The following HS2ST1 variants were observed in gnomAD, a reference collection of about 807,000 sequenced individuals.
The protein encoded by HS2ST1 is 2-O-sulfotransferase.
A neutral mutation model predicts 42.9 loss-of-function variants in HS2ST1; 18 were observed. The observed-to-expected ratio is 0.42, with a 90% CI of 0.29 to 0.62. HS2ST1 has a LOEUF of 0.62. Ranked by LOEUF, HS2ST1 falls within the 20% of genes least tolerant of loss-of-function variation. The probability of loss-of-function intolerance (pLI) is 0.21; values close to 1 mark genes in which losing one functional copy is unlikely to be tolerated. For synonymous variants in HS2ST1, 146 were observed against 152.9 expected, an observed-to-expected ratio of 0.95 and a Z score of 0.33; for missense variants, 334 against 433.8, an observed-to-expected ratio of 0.77 and a Z score of 2.04.
intron 1 of HS2ST1, among the ~76,000 whole-genome samples, chr1:87,037,615 A>C (rs1425950998): frequency 6.6e-6 from 1 of 150,800 alleles, no homozygotes; most frequent in Non-Finnish European, 1.5e-5. Context: ...TTTTTTTACC[A>C]CCATCTCCAA....
At chr1:87,065,810 T>C (rs1651234155) in intron 1 of HS2ST1, among the ~76,000 whole-genome samples, 1 of 152,236 alleles carries the variant, frequency 6.6e-6, no homozygotes, top group Non-Finnish European at 1.5e-5. Context: ...GTTTTCTTAC[T>C]ATAGTTAAAG....
At chr1:86,980,898 G>A (rs931611492) in intron 1 of HS2ST1, among the ~76,000 whole-genome samples, 4 of 152,186 alleles carry the variant, frequency 2.6e-5, no homozygotes, top group African/African-American at 9.7e-5. Context: ...GCTAAAAAGT[G>A]TGTAATATAT....
chr1:87,056,129 G>C (rs1043847583), intron 1 of HS2ST1, among the ~76,000 whole-genome samples: 3 of 152,204 alleles, frequency 2.0e-5, no homozygotes, highest in African/African-American at 7.2e-5. Flanking sequence ...TCTCATGAAA[G>C]AATCAGTACA....
At chr1:86,946,215 G>C (rs928299219) in intron 1 of HS2ST1, among the ~76,000 whole-genome samples, 1 of 152,120 alleles carries the variant, frequency 6.6e-6, no homozygotes, top group Non-Finnish European at 1.5e-5. Context: ...TAGTTTGGTA[G>C]GACAATAATG....
chr1:86,991,507 G>A (rs1648952019), intron 1 of HS2ST1, among the ~76,000 whole-genome samples: 1 of 152,186 alleles, frequency 6.6e-6, no homozygotes, highest in Non-Finnish European at 1.5e-5. Flanking sequence ...TACAATAGTA[G>A]GTTATAATGT....
chr1:87,058,077 A>G (rs1651022990), intron 1 of HS2ST1, among the ~76,000 whole-genome samples: 1 of 151,572 alleles, frequency 6.6e-6, no homozygotes, highest in African/African-American at 2.4e-5. Context: ...ACACATCTGT[A>G]CTGTAGAGGA....
At chr1:86,961,703 T>C (rs988586938) in intron 1 of HS2ST1, among the ~76,000 whole-genome samples, 5 of 152,148 alleles carry the variant, frequency 3.3e-5, no homozygotes, top group Admixed American at 1.3e-4. Context: ...CAGCTCTTTC[T>C]AGTTTCAAAA....
At chr1:86,966,293 C>G (rs1287058011) in intron 1 of HS2ST1, among the ~76,000 whole-genome samples, 10 of 152,076 alleles carry the variant, frequency 6.6e-5, no homozygotes, top group Admixed American at 6.5e-4. Context: ...CCTGTAAATA[C>G]TACAATATGC....
At chr1:86,989,463 TTGCTTTTTATA>T (rs1372105475) in intron 1 of HS2ST1, among the ~76,000 whole-genome samples, 1 of 152,236 alleles carries the variant, frequency 6.6e-6, no homozygotes, top group East Asian at 1.9e-4. Context: ...AGCTTTTTAT[TTGCTTTTTATA>T]AAGAGGCTTT....
At chr1:87,004,330 G>A (rs1649373604) in intron 1 of HS2ST1, among the ~76,000 whole-genome samples, 1 of 152,156 alleles carries the variant, frequency 6.6e-6, no homozygotes, top group Non-Finnish European at 1.5e-5. Context: ...GGTGGAGGTT[G>A]CAGCGAGCCG....
chr1:86,990,836 A>ATATATATATAT (rs1289652447), intron 1 of HS2ST1, among the ~76,000 whole-genome samples: 3 of 44,232 alleles, frequency 6.8e-5, no homozygotes, highest in African/African-American at 7.9e-5. Flanking sequence ...ATATATATAT[A>ATATATATATAT]TTTTTTTTTT....
chr1:87,060,970 C>G (rs1651105827), intron 1 of HS2ST1, among the ~76,000 whole-genome samples: 1 of 151,950 alleles, frequency 6.6e-6, no homozygotes, highest in Non-Finnish European at 1.5e-5. Flanking sequence ...AGAACCTTAT[C>G]ACAGATGAAG....
chr1:87,076,742 A>G (rs1044629246), intron 2 of HS2ST1, among the ~76,000 whole-genome samples: 2 of 152,196 alleles, frequency 1.3e-5, no homozygotes, highest in Admixed American at 1.3e-4. Flanking sequence ...GTTTAGCCAT[A>G]CCATATATGT....
intron 1 of HS2ST1, among the ~76,000 whole-genome samples, chr1:86,962,137 G>A (rs543762444): frequency 1.3e-5 from 2 of 152,230 alleles, no homozygotes; most frequent in South Asian, 2.1e-4. Context: ...AAAACATCTT[G>A]TTGGGACCGT....
intron 5 of HS2ST1, among the ~76,000 whole-genome samples, chr1:87,103,165 A>C (rs917003377): frequency 1.3e-5 from 2 of 152,216 alleles, no homozygotes; most frequent in African/African-American, 4.8e-5. Flanking sequence ...ATCCATATAC[A>C]TTTTTAAAGT....
intron 1 of HS2ST1, among the ~76,000 whole-genome samples, chr1:86,950,628 T>C (rs984390930): frequency 2.0e-5 from 3 of 152,142 alleles, no homozygotes; most frequent in Non-Finnish European, 4.4e-5. Context: ...TGTTGACATA[T>C]TTAGGAGTGA....
chr1:87,045,521 T>A (rs1650630710), intron 1 of HS2ST1: 1 of 844,680 alleles, frequency 1.2e-6, no homozygotes, highest in Non-Finnish European at 2.1e-6. Flanking sequence ...TGCTGGCACA[T>A]ATGTAACAAT....
intron 1 of HS2ST1, among the ~76,000 whole-genome samples, chr1:87,050,650 G>C (rs1650807009): frequency 6.6e-6 from 1 of 151,994 alleles, no homozygotes; most frequent in Admixed American, 6.6e-5. Flanking sequence ...TATCACCTTG[G>C]GAGCTTTTAA....
At chr1:87,046,436 T>G in intron 1 of HS2ST1, 1 of 927,518 alleles carries the variant, frequency 1.1e-6, no homozygotes, top group Non-Finnish European at 1.8e-6. Context: ...GCTAGAACAT[T>G]CTAATAAAGA....
Sources: allele counts gnomAD v4.1 joint callset (sites outside exome capture counted in the v4.1 genomes callset), GRCh38; gene constraint gnomAD v4.1.1; transcripts MANE v1.5; gene names NCBI Gene and HGNC (gene_info 2026-07-23, HGNC 2026-07-21).